The following SLC24A2 variants were observed in gnomAD, a reference collection of about 807,000 sequenced individuals.
SLC24A2 encodes the protein solute carrier family 24 member 2, also known as sodium/potassium/calcium exchanger 2.
Under a neutral mutation model 62.0 loss-of-function variants are expected in SLC24A2, and 36 were observed. That is an observed-to-expected ratio of 0.58 (90% CI 0.44 to 0.77). The LOEUF (loss-of-function observed/expected upper bound fraction) is 0.77, where lower values mean the gene tolerates loss of function less well. SLC24A2 is among the 30% of genes least tolerant of loss of function. SLC24A2 has a pLI of 0.00. For synonymous variants in SLC24A2, 358 were observed against 294.0 expected (o/e 1.22, Z -2.23); for missense variants, 846 against 817.9 (o/e 1.03, Z -0.42).
the SLC24A2 span, among the ~76,000 whole-genome samples, chr9:20,182,543 C>G: frequency 6.6e-6 from 1 of 152,166 alleles, no homozygotes; most frequent in Non-Finnish European, 1.5e-5. Context: ...GGACAGGAAA[C>G]CAAACACTGC....
chr9:19,508,898 G>A lies in SLC24A2; in HGVS notation c.*7255C>T, dbSNP rs992503496. On this transcript the variant is annotated 3_prime_UTR_variant, in exon 11 of 11. Transcript: ENST00000341998. ...TGTGTGTAAACAGTGTACCATACTA[G>A]GTTAGAAATTGTGTATTTTAGCGGA... 6.6e-6 allele frequency: 1 copy of A among 152,152 alleles called. No individual in the cohort carries two copies. Among genetic ancestry groups the A allele is most frequent in the African/African-American group, 2.4e-5 (1 of 41,438 alleles). 9.4% of individuals were successfully genotyped at this position (152,152 alleles called of 1,614,324 possible).
At chr9:19,960,079 A>G in the SLC24A2 span, among the ~76,000 whole-genome samples, 1 of 152,336 alleles carries the variant, frequency 6.6e-6, no homozygotes, top group East Asian at 1.9e-4. Flanking sequence ...AGGATAAGCT[A>G]TTGGCAGTGA....
chr9:19,766,752 C>T (rs1377916293), intron 2 of SLC24A2, among the ~76,000 whole-genome samples: 1 of 152,216 alleles, frequency 6.6e-6, no homozygotes, highest in Non-Finnish European at 1.5e-5. Flanking sequence ...GCTGTCTCCC[C>T]TTCAGAAGGC....
the SLC24A2 span, among the ~76,000 whole-genome samples, chr9:19,966,059 C>T: frequency 3.3e-5 from 5 of 152,170 alleles, no homozygotes; most frequent in Admixed American, 2.6e-4. Context: ...GGCTTGATCT[C>T]TCAACAGATG....
the SLC24A2 span, among the ~76,000 whole-genome samples, chr9:20,255,208 G>A: frequency 1.3e-5 from 2 of 152,176 alleles, no homozygotes; most frequent in Non-Finnish European, 2.9e-5. Context: ...GCTGAGAGAT[G>A]ACAAATGGTT....
chr9:19,662,231 T>A (rs1309468826), intron 2 of SLC24A2, among the ~76,000 whole-genome samples: 1 of 152,240 alleles, frequency 6.6e-6, no homozygotes, highest in Admixed American at 6.5e-5. Context: ...TGTTTCAACA[T>A]GTAATCAATA....
At chr9:19,904,293 C>G in the SLC24A2 span, among the ~76,000 whole-genome samples, 1 of 152,140 alleles carries the variant, frequency 6.6e-6, no homozygotes, top group African/African-American at 2.4e-5. Context: ...TGTATGGATC[C>G]AAGGCCTCTG....
the SLC24A2 span, among the ~76,000 whole-genome samples, chr9:20,071,424 A>G: frequency 1.3e-5 from 2 of 152,170 alleles, no homozygotes; most frequent in Non-Finnish European, 2.9e-5. Context: ...GATCAAAACA[A>G]CAGTGCAATG....
At chr9:20,028,266 G>GTC in the SLC24A2 span, among the ~76,000 whole-genome samples, 2 of 152,104 alleles carry the variant, frequency 1.3e-5, no homozygotes, top group Non-Finnish European at 2.9e-5. Flanking sequence ...CACACAAGGG[G>GTC]ATTTTACCAG....
the SLC24A2 span, among the ~76,000 whole-genome samples, chr9:20,136,629 G>C: frequency 6.6e-6 from 1 of 152,122 alleles, no homozygotes; most frequent in African/African-American, 2.4e-5. Flanking sequence ...GAATCATAAA[G>C]TTTGCAACAA....
chr9:19,931,970 T>C, the SLC24A2 span, among the ~76,000 whole-genome samples: 1 of 152,068 alleles, frequency 6.6e-6, no homozygotes, highest in South Asian at 2.1e-4. Context: ...TCCTCCCATG[T>C]AGAAAGAGAA....
intron 8 of SLC24A2, among the ~76,000 whole-genome samples, chr9:19,548,691 C>G (rs1224410192): frequency 2.0e-5 from 3 of 152,166 alleles, no homozygotes; most frequent in African/African-American, 4.8e-5. Context: ...CTGGCTGATG[C>G]ACCTAACAAG....
the SLC24A2 span, among the ~76,000 whole-genome samples, chr9:20,227,253 A>G: frequency 6.6e-6 from 1 of 152,112 alleles, no homozygotes; most frequent in African/African-American, 2.4e-5. Context: ...TATTTTAACT[A>G]TGGTTTGCCA....
chr9:20,088,317 G>C, the SLC24A2 span, among the ~76,000 whole-genome samples: 18 of 152,344 alleles, frequency 1.2e-4, no homozygotes, highest in East Asian at 3.3e-3. Context: ...GGAGGGGCAG[G>C]CTGCCGGCTT....
chr9:20,094,942 T>C, the SLC24A2 span, among the ~76,000 whole-genome samples: 1 of 152,160 alleles, frequency 6.6e-6, no homozygotes. Flanking sequence ...CAAGTTTGGG[T>C]GTAGTAGTTT....
At chr9:20,165,895 G>C in the SLC24A2 span, among the ~76,000 whole-genome samples, 3 of 151,708 alleles carry the variant, frequency 2.0e-5, no homozygotes, top group East Asian at 5.8e-4. Context: ...CACAGAAAAA[G>C]AACTATTATC....
intron 6 of SLC24A2, among the ~76,000 whole-genome samples, chr9:19,576,214 C>T (rs906701772): frequency 2.0e-5 from 3 of 152,046 alleles, no homozygotes; most frequent in African/African-American, 4.8e-5. Flanking sequence ...GTAATAGCTT[C>T]GTTTATAGCA....
At chr9:19,963,365 A>G in the SLC24A2 span, among the ~76,000 whole-genome samples, 2 of 151,614 alleles carry the variant, frequency 1.3e-5, no homozygotes, top group Non-Finnish European at 2.9e-5. Flanking sequence ...AAAATTGACA[A>G]ATGGGATCTC....
At chr9:20,270,547 C>T in the SLC24A2 span, among the ~76,000 whole-genome samples, 4 of 152,298 alleles carry the variant, frequency 2.6e-5, no homozygotes, top group African/African-American at 7.2e-5. Flanking sequence ...TGGTTGCCTT[C>T]TCCCTGAAGG....
Sources: gnomAD v4.1 joint callset for allele counts (sites outside exome capture counted in the v4.1 genomes callset) on GRCh38, gnomAD v4.1.1 for gene constraint, MANE v1.5 for transcripts, NCBI Gene and HGNC (gene_info 2026-07-23, HGNC 2026-07-21) for gene names.